The following FBXW7 variants were observed in gnomAD, a reference collection of about 807,000 sequenced individuals.
FBXW7 encodes the protein F-box/WD repeat-containing protein 7.
A neutral mutation model predicts 86.3 loss-of-function variants in FBXW7; 11 were observed. The ratio of observed to expected loss-of-function variants is 0.13; its 90% CI spans 0.08 to 0.21. The LOEUF (loss-of-function observed/expected upper bound fraction) is 0.21. FBXW7 is among the 10% of genes least tolerant of loss of function. FBXW7 has a pLI of 1.00. For synonymous variants in FBXW7, 313 were observed against 297.9 expected (o/e 1.05, Z -0.52); for missense variants, 488 against 847.4 (o/e 0.58, Z 5.27).
intron 2 of FBXW7, among the ~76,000 whole-genome samples, chr4:152,507,070 C>T (rs1423216026): frequency 6.6e-6 from 1 of 152,082 alleles, no homozygotes; most frequent in African/African-American, 2.4e-5. Context: ...CTAGAAACTG[C>T]AAATTTGAAG....
intron 2 of FBXW7, among the ~76,000 whole-genome samples, chr4:152,502,883 C>T (rs1386401505): frequency 6.6e-6 from 1 of 152,152 alleles, no homozygotes; most frequent in Non-Finnish European, 1.5e-5. Flanking sequence ...TAAGAACTTT[C>T]TGCTCTACAA....
chr4:152,372,812 A>G (rs1388557359), intron 4 of FBXW7, among the ~76,000 whole-genome samples: 1 of 152,006 alleles, frequency 6.6e-6, no homozygotes, highest in African/African-American at 2.4e-5. Context: ...AAAATTTGTT[A>G]CATAAAAGAC....
intron 6 of FBXW7, among the ~76,000 whole-genome samples, chr4:152,338,581 A>G (rs1461613392): frequency 6.6e-6 from 1 of 152,120 alleles, no homozygotes; most frequent in Non-Finnish European, 1.5e-5. Context: ...GATAAGAAAG[A>G]GATACACTAT....
chr4:152,443,573 T>C (rs1741101720), intron 2 of FBXW7, among the ~76,000 whole-genome samples: 1 of 152,034 alleles, frequency 6.6e-6, no homozygotes. Context: ...CTGCATATAG[T>C]TGGCGGTCTT....
At chr4:152,441,955 TG>T (rs1448603294) in intron 2 of FBXW7, among the ~76,000 whole-genome samples, 1 of 152,186 alleles carries the variant, frequency 6.6e-6, no homozygotes, top group Non-Finnish European at 1.5e-5. Flanking sequence ...AATCACACAT[TG>T]TAGGGTAAAG....
rs1733489965 is a variant in FBXW7, at chr4:152,366,505, T to C, written c.502-16381A>G. On this transcript the variant is annotated intron_variant, in intron 4 of 13. Coordinates refer to ENST00000281708, the MANE Select transcript of FBXW7 (RefSeq NM_001349798.2). The stretch of plus-strand genomic sequence containing the variant: ...TTTTACTGACAAGAAATCTGAAGCA[T>C]GAGTTTCTGAGTTGCCAAAAGTGTT... 2.6e-5 allele frequency among the ~76,000 whole-genome samples: 4 copies of C among 152,188 alleles called. No individual in the cohort carries two copies. In the South Asian group the frequency reaches 8.3e-4, roughly 31 times the overall value.
At chr4:152,384,178 G>A (rs1323958963) in intron 4 of FBXW7, among the ~76,000 whole-genome samples, 2 of 152,116 alleles carry the variant, frequency 1.3e-5, no homozygotes, top group Admixed American at 6.6e-5. Context: ...TTCCACTTCT[G>A]AGTATATACC....
At position 152,411,562 on chromosome 4, in the gene FBXW7, T is replaced by C. The variant is rs139738471; in HGVS notation, c.242A>G (p.Asn81Ser). The C allele has an allele frequency of 2.5e-4, 410 of 1,613,984 alleles. 4 individuals are homozygous for C. The highest frequency in any genetic ancestry group is 1.8e-3 in the South Asian group (168 of 91,076). The change falls in exon 4 of 14, where the codon AAT becomes AGT. Residue 81 changes from asparagine (N) to serine (S), a missense_variant. Transcript: ENST00000281708. ...CTCATCTACCGAAATAAATCTATTA[T>C]TGTTTTCTTCCAACTGTCCTTGCTG... The part of the protein sequence containing the change: ...DSQQGQLEEN[N>S]NRFISVDEDS...
intron 2 of FBXW7, among the ~76,000 whole-genome samples, chr4:152,437,820 C>T (rs1242380909): frequency 6.6e-6 from 1 of 152,192 alleles, no homozygotes; most frequent in Non-Finnish European, 1.5e-5. Flanking sequence ...GGCAAGACTA[C>T]AGCAGTAAAA....
At chr4:152,471,275 G>A (rs987194453) in intron 2 of FBXW7, among the ~76,000 whole-genome samples, 1 of 151,428 alleles carries the variant, frequency 6.6e-6, no homozygotes, top group African/African-American at 2.4e-5. Flanking sequence ...ATACTGTCAC[G>A]ATATTTAGGC....
At chr4:152,419,153 A>G (rs184673651) in intron 2 of FBXW7, among the ~76,000 whole-genome samples, 134 of 152,238 alleles carry the variant, frequency 8.8e-4, no homozygotes, top group African/African-American at 2.9e-3. Context: ...CAACACTGTC[A>G]ATTAATTTTC....
At chr4:152,454,128 C>T (rs368008186) in intron 2 of FBXW7, among the ~76,000 whole-genome samples, 44 of 152,128 alleles carry the variant, frequency 2.9e-4, no homozygotes, top group African/African-American at 1.0e-3. Context: ...TTCAAATTCC[C>T]CATCTTATTT....
intron 2 of FBXW7, among the ~76,000 whole-genome samples, chr4:152,459,320 C>T (rs1742724891): frequency 6.6e-6 from 1 of 152,154 alleles, no homozygotes; most frequent in South Asian, 2.1e-4. Flanking sequence ...AAACAGAGTA[C>T]CCATTTTTAC....
chr4:152,535,500 G>T lies in FBXW7; in HGVS notation c.-586C>A, dbSNP rs995695599. On this transcript the variant is annotated 5_prime_UTR_variant, in exon 1 of 14. Transcript: ENST00000281708. Reference sequence around the variant, plus strand: ...TCGGGGTCCCCGCCCCCCCGGCCGGGGGGTGGTTGCCGAGCTTGGTTGGGG... The same window carrying T: ...TCGGGGTCCCCGCCCCCCCGGCCGGTGGGTGGTTGCCGAGCTTGGTTGGGG... The T allele has an allele frequency of 1.3e-5, 5 of 395,276 alleles. No individual in the cohort carries two copies. The highest frequency in any genetic ancestry group is 2.2e-5 in the Non-Finnish European group (5 of 224,000). 24.5% of individuals were successfully genotyped at this position (395,276 alleles called of 1,614,324 possible).
At chr4:152,440,033 C>T (rs1417253170) in intron 2 of FBXW7, among the ~76,000 whole-genome samples, 2 of 152,090 alleles carry the variant, frequency 1.3e-5, no homozygotes, top group Non-Finnish European at 2.9e-5. Context: ...ACATATTGCC[C>T]ATTTTTGTTT....
chr4:152,452,234 G>C (rs1050794245), intron 2 of FBXW7, among the ~76,000 whole-genome samples: 20 of 152,148 alleles, frequency 1.3e-4, no homozygotes, highest in Admixed American at 9.2e-4. Context: ...TAAATATCAA[G>C]AGAGATAACC....
chr4:152,411,773 T>C lies in FBXW7; in HGVS notation c.31A>G (p.Lys11Glu), dbSNP rs1737990894. The C allele has an allele frequency of 5.0e-6, 8 of 1,613,040 alleles. No individual in the cohort carries two copies. Among genetic ancestry groups the C allele is most frequent in the Non-Finnish European group, 6.8e-6 (8 of 1,179,506 alleles). ...AGAGAGCCTCCAGTTCGTCGTCTTT[T>C]GCTGCCCACAGAGAGCAGTTCCTGA... MNQELLSVGS[K>E]RRRTGGSLRG... Residue 11 changes from lysine (K) to glutamate (E), a missense_variant, in exon 4 of 14, where the codon AAA (lysine) becomes GAA (glutamate). Coordinates refer to ENST00000281708, the MANE Select transcript of FBXW7 (RefSeq NM_001349798.2).
chr4:152,400,726 T>C (rs1391878771), intron 4 of FBXW7, among the ~76,000 whole-genome samples: 5 of 152,108 alleles, frequency 3.3e-5, no homozygotes, highest in Admixed American at 3.3e-4. Context: ...TGGACTCTAC[T>C]AAAATAGGAA....
chr4:152,488,414 A>T (rs909231562), intron 2 of FBXW7, among the ~76,000 whole-genome samples: 8 of 152,082 alleles, frequency 5.3e-5, no homozygotes, highest in African/African-American at 1.7e-4. Context: ...AAGAACTCTC[A>T]GCTCTTTGGA....
Sources: allele counts gnomAD v4.1 joint callset (sites outside exome capture counted in the v4.1 genomes callset), GRCh38; gene constraint gnomAD v4.1.1; transcripts MANE v1.5; gene names NCBI Gene and HGNC (gene_info 2026-07-23, HGNC 2026-07-21).